Variants in TANC1 observed in about 807,000 individuals in gnomAD.
The protein encoded by TANC1 is tetratricopeptide repeat, ankyrin repeat and coiled-coil containing 1.
A neutral mutation model predicts 149.7 loss-of-function variants in TANC1; 77 were observed. The observed-to-expected ratio is 0.51, with a 90% CI of 0.43 to 0.62. The LOEUF (loss-of-function observed/expected upper bound fraction) is 0.62. Among genes scored for constraint, TANC1 ranks in the 20% least tolerant of loss-of-function variants. The probability of loss-of-function intolerance (pLI) is 0.00; values close to 1 mark genes in which losing one functional copy is unlikely to be tolerated. For missense variants in TANC1, 1,985 were observed against 2,321.8 expected (o/e 0.85, Z 2.98); for synonymous variants, 854 against 925.0 (o/e 0.92, Z 1.39).
Position 159,206,517 on chromosome 2 carries a change from G to A in TANC1, c.3244+7464G>A, listed in dbSNP as rs557435592. ...AACCCAGGGGTGGTGTCTCAAGCACGAACAAATTAGCCCCTTGACCACCTT... is the reference window on the plus strand; with the variant it reads ...AACCCAGGGGTGGTGTCTCAAGCACAAACAAATTAGCCCCTTGACCACCTT... On this transcript the variant is annotated intron_variant, in intron 19 of 26. Coordinates refer to ENST00000263635, the MANE Select transcript of TANC1 (RefSeq NM_033394.3). Among the ~76,000 whole-genome samples, 20 of 152,300 alleles carry A rather than the reference G, an allele frequency of 1.3e-4. 1 individual carries two copies. The highest frequency in any genetic ancestry group is 6.8e-3 in the Middle Eastern group (2 of 294).
intron 4 of TANC1, among the ~76,000 whole-genome samples, chr2:159,124,178 T>C (rs540595549): frequency 3.0e-4 from 46 of 152,118 alleles, no homozygotes; most frequent in African/African-American, 1.1e-3. Context: ...GCCAACATAG[T>C]GAAACCCTGT....
chr2:159,042,180 G>C (rs2040696672), intron 2 of TANC1, among the ~76,000 whole-genome samples: 1 of 152,152 alleles, frequency 6.6e-6, no homozygotes, highest in Non-Finnish European at 1.5e-5. Flanking sequence ...TCATTAAACA[G>C]ACTTAGGAGG....
intron 4 of TANC1, among the ~76,000 whole-genome samples, chr2:159,122,601 C>T (rs2048969633): frequency 6.6e-6 from 1 of 152,122 alleles, no homozygotes; most frequent in African/African-American, 2.4e-5. Context: ...AGTCAACACC[C>T]AACTCCTGAC....
chr2:159,084,411 T>C (rs1017654950), intron 3 of TANC1, among the ~76,000 whole-genome samples: 11 of 152,184 alleles, frequency 7.2e-5, no homozygotes, highest in Admixed American at 2.0e-4. Flanking sequence ...TTTGAACATG[T>C]TTTTGTGGGG....
chr2:159,149,557 A>T (rs62171102), intron 6 of TANC1: 11,124 of 402,946 alleles, frequency 0.028, 222 homozygotes, highest in African/African-American at 0.055. Flanking sequence ...GAATGCCTTC[A>T]TAATGCTACC....
chr2:159,128,526 T>A (rs550758272), intron 4 of TANC1, among the ~76,000 whole-genome samples: 1 of 152,332 alleles, frequency 6.6e-6, no homozygotes, highest in East Asian at 1.9e-4. Context: ...CTTGGTCAGT[T>A]CATTTTCTGT....
chr2:159,046,292 G>C (rs544144917), intron 2 of TANC1, among the ~76,000 whole-genome samples: 10 of 152,262 alleles, frequency 6.6e-5, no homozygotes, highest in African/African-American at 2.4e-4. Flanking sequence ...GCAACACATT[G>C]CTATTTGACA....
chr2:159,098,643 G>C (rs781381808), intron 4 of TANC1, among the ~76,000 whole-genome samples: 9 of 152,078 alleles, frequency 5.9e-5, no homozygotes, highest in African/African-American at 9.7e-5. Context: ...ACTTGTAAAG[G>C]GGGGTGGGGG....
chr2:159,107,418 C>T (rs1041724822), intron 4 of TANC1, among the ~76,000 whole-genome samples: 2 of 152,152 alleles, frequency 1.3e-5, no homozygotes, highest in African/African-American at 2.4e-5. Context: ...TCCTAGTAAC[C>T]GTTGCCTAAT....
intron 8 of TANC1, 30 bp from the exon 9 acceptor site, chr2:159,169,220 A>G (rs1184912770): frequency 6.3e-7 from 1 of 1,595,976 alleles, no homozygotes; most frequent in Non-Finnish European, 8.6e-7. Flanking sequence ...GTCACCTTTG[A>G]AGATACTAAA....
At chr2:159,071,401 T>C (rs574369503) in intron 3 of TANC1, among the ~76,000 whole-genome samples, 129 of 90,198 alleles carry the variant, frequency 1.4e-3, no homozygotes, top group Non-Finnish European at 3.4e-3. Flanking sequence ...AAAAAAAAAT[T>C]TTTTTTTGAC....
intron 1 of TANC1, among the ~76,000 whole-genome samples, chr2:158,983,437 A>G (rs1381196638): frequency 2.1e-5 from 3 of 144,216 alleles, no homozygotes; most frequent in African/African-American, 5.2e-5. Context: ...ACTGCACTCC[A>G]GCCTGGGAGA....
At chr2:159,127,167 A>G (rs146938089) in intron 4 of TANC1, among the ~76,000 whole-genome samples, 88 of 152,324 alleles carry the variant, frequency 5.8e-4, no homozygotes, top group East Asian at 1.7e-3. Context: ...TGAACAGACA[A>G]TTTTGAAAAG....
intron 2 of TANC1, among the ~76,000 whole-genome samples, chr2:159,038,317 C>T (rs2040363990): frequency 6.6e-6 from 1 of 152,196 alleles, no homozygotes; most frequent in Admixed American, 6.5e-5. Flanking sequence ...AATCTGACTT[C>T]CTCTTTTCCT....
At chr2:159,112,631 A>G (rs2047858394) in intron 4 of TANC1, among the ~76,000 whole-genome samples, 1 of 150,308 alleles carries the variant, frequency 6.7e-6, no homozygotes, top group African/African-American at 2.4e-5. Flanking sequence ...GCAATGGCAC[A>G]ATCACAGCTC....
At chr2:159,076,678 T>A (rs1187840699) in intron 3 of TANC1, among the ~76,000 whole-genome samples, 3 of 152,202 alleles carry the variant, frequency 2.0e-5, no homozygotes, top group Non-Finnish European at 4.4e-5. Flanking sequence ...AGTAATGACA[T>A]TTTGAAGTTT....
chr2:159,079,197 T>C (rs1176947684), intron 3 of TANC1, among the ~76,000 whole-genome samples: 1 of 89,690 alleles, frequency 1.1e-5, no homozygotes, highest in African/African-American at 2.8e-5. Context: ...CTATGAGAAG[T>C]TGTTGTTGTT....
intron 1 of TANC1, among the ~76,000 whole-genome samples, chr2:158,987,306 A>G (rs952674495): frequency 6.1e-4 from 93 of 151,520 alleles, no homozygotes; most frequent in Non-Finnish European, 5.9e-4. Flanking sequence ...TGGGTGGATC[A>G]CTTGAGCTTA....
intron 2 of TANC1, among the ~76,000 whole-genome samples, chr2:159,059,156 G>A (rs1435998281): frequency 6.6e-6 from 1 of 152,180 alleles, no homozygotes; most frequent in Non-Finnish European, 1.5e-5. Flanking sequence ...CTGGATCTAT[G>A]TGTCTTAGAG....
Sources: allele counts gnomAD v4.1 joint callset (sites outside exome capture counted in the v4.1 genomes callset), GRCh38; gene constraint gnomAD v4.1.1; transcripts MANE v1.5; gene names NCBI Gene and HGNC (gene_info 2026-07-23, HGNC 2026-07-21).